The following PPP2R1A variants were observed in gnomAD, a reference collection of about 807,000 sequenced individuals.
PPP2R1A encodes the protein protein phosphatase 2 scaffold subunit Aalpha, also known as serine/threonine-protein phosphatase 2A 65 kDa regulatory subunit A alpha isoform.
Under a neutral mutation model 67.1 loss-of-function variants are expected in PPP2R1A, and 15 were observed. That is an observed-to-expected ratio of 0.22 (90% CI 0.15 to 0.34). PPP2R1A has a LOEUF of 0.34. Among genes scored for constraint, PPP2R1A ranks in the 10% least tolerant of loss-of-function variants. PPP2R1A has a pLI of 1.00. For synonymous variants in PPP2R1A, 337 were observed against 325.0 expected (o/e 1.04, Z -0.40); for missense variants, 369 against 775.0 (o/e 0.48, Z 6.22).
chr19:52,214,788 A>G (rs77506190), intron 6 of PPP2R1A, among the ~76,000 whole-genome samples: 2,902 of 149,888 alleles, frequency 0.019, 87 homozygotes, highest in African/African-American at 0.067. Flanking sequence ...GTACGGTGGC[A>G]CAAGCTCAGC....
intron 1 of PPP2R1A, 27 bp downstream of exon 1, chr19:52,190,201 A>G: frequency 6.5e-7 from 1 of 1,548,328 alleles, no homozygotes; most frequent in Non-Finnish European, 8.7e-7. Context: ...GGACTTGGGG[A>G]AGACGCGGAG....
rs567136532 is a variant in PPP2R1A at position 52,204,970 on chromosome 19, C to T, written c.170-993C>T. The stretch of plus-strand genomic sequence containing the variant: ...AACAGTAAAGCAAGATTTGAACCTA[C>T]CATAAAATGGAGATGATGATAATGA... On this transcript the variant is annotated intron_variant, in intron 2 of 14. Coordinates refer to ENST00000322088, the MANE Select transcript of PPP2R1A (RefSeq NM_014225.6). Among the ~76,000 whole-genome samples, 13 of 152,256 alleles carry T rather than the reference C, an allele frequency of 8.5e-5. 1 individual carries two copies. In the South Asian group the frequency reaches 2.7e-3, roughly 32 times the overall value.
At chr19:52,221,761 A>G (rs1978947959) in intron 12 of PPP2R1A, among the ~76,000 whole-genome samples, 1 of 152,182 alleles carries the variant, frequency 6.6e-6, no homozygotes, top group African/African-American at 2.4e-5. Context: ...ACACAGGGCT[A>G]GAAAGGAAGG....
intron 1 of PPP2R1A, among the ~76,000 whole-genome samples, chr19:52,193,714 C>T (rs745543301): frequency 3.9e-5 from 6 of 152,066 alleles, no homozygotes; most frequent in Admixed American, 6.6e-5. Context: ...GGATTAGAGG[C>T]GCCCACCACC....
At chr19:52,218,287 C>T (rs111644064) in intron 9 of PPP2R1A, among the ~76,000 whole-genome samples, 111 of 152,252 alleles carry the variant, frequency 7.3e-4, no homozygotes, top group Non-Finnish European at 1.1e-3. Context: ...GGAGGAAATA[C>T]TGTAACAGAA....
chr19:52,215,844 G>T lies in PPP2R1A; in HGVS notation c.873G>T (p.Met291Ile). The T allele has an allele frequency of 6.2e-7, 1 of 1,614,026 alleles. No homozygotes were observed. Among genetic ancestry groups the T allele is most frequent in the South Asian group, 1.1e-5 (1 of 91,076 alleles). ...TDLVPAFQNL[M>I]KDCEAEVRAA... ...TGGTCCCTGCCTTCCAGAACCTGAT[G>T]AAAGACTGTGAGGCCGAGGTGAGGG... The change falls in exon 7 of 15, where the codon ATG (methionine) becomes ATT (isoleucine). Residue 291 changes from methionine to isoleucine, a missense_variant. Transcript: ENST00000322088.
At chr19:52,193,575 CTT>C in intron 1 of PPP2R1A, among the ~76,000 whole-genome samples, 1 of 152,030 alleles carries the variant, frequency 6.6e-6, no homozygotes. Context: ...AATTGTAACA[CTT>C]TGGTTTTATT....
chr19:52,207,864 G>A (rs2089620546), intron 3 of PPP2R1A, among the ~76,000 whole-genome samples: 2 of 152,170 alleles, frequency 1.3e-5, no homozygotes, highest in South Asian at 4.1e-4. Context: ...TTTCAGAGCT[G>A]TAAACAAGGG....
Position 52,190,096 on chromosome 19 carries a change from G to A in PPP2R1A, c.-1G>A, listed in dbSNP as rs780026299. ...TCTGACAGGAAAGGGACGGAGCCAA[G>A]ATGGCGGCGGCCGACGGCGACGACT... On this transcript the variant is annotated 5_prime_UTR_variant, in exon 1 of 15. Coordinates refer to ENST00000322088, the MANE Select transcript of PPP2R1A (RefSeq NM_014225.6). The A allele has an allele frequency of 1.4e-5, 22 of 1,550,488 alleles. No individual in the cohort carries two copies. In the South Asian group the frequency reaches 1.8e-4, roughly 13 times the overall value.
At chr19:52,217,375 A>G (rs1978640057) in intron 9 of PPP2R1A, among the ~76,000 whole-genome samples, 1 of 152,168 alleles carries the variant, frequency 6.6e-6, no homozygotes, top group African/African-American at 2.4e-5. Flanking sequence ...ATTTTAAAAA[A>G]CATTTTCCAT....
intron 1 of PPP2R1A, among the ~76,000 whole-genome samples, chr19:52,197,639 C>G (rs1377964224): frequency 6.6e-6 from 1 of 152,184 alleles, no homozygotes; most frequent in African/African-American, 2.4e-5. Context: ...TGTGCCACTG[C>G]ACTCCAGCCT....
intron 2 of PPP2R1A, among the ~76,000 whole-genome samples, chr19:52,203,837 T>A (rs2089575926): frequency 6.6e-6 from 1 of 152,208 alleles, no homozygotes; most frequent in Admixed American, 6.5e-5. Flanking sequence ...CACGACCCCC[T>A]CTTTGGGTTT....
At chr19:52,196,369 T>C (rs2089496944) in intron 1 of PPP2R1A, among the ~76,000 whole-genome samples, 1 of 152,208 alleles carries the variant, frequency 6.6e-6, no homozygotes, top group Non-Finnish European at 1.5e-5. Context: ...CAGAATTGGG[T>C]CAGCTCAAAG....
intron 6 of PPP2R1A, among the ~76,000 whole-genome samples, chr19:52,214,542 A>G (rs1417313810): frequency 6.6e-6 from 1 of 152,200 alleles, no homozygotes; most frequent in East Asian, 1.9e-4. Flanking sequence ...AAATATTTGC[A>G]AGATGAATAA....
Position 52,219,899 on chromosome 19 carries a change from C to A in PPP2R1A, c.1302+35C>A, listed in dbSNP as rs763396765. 2.5e-6 allele frequency: 4 copies of A among 1,588,440 alleles called. No homozygotes were observed. The South Asian group carries it at 3.4e-5, about 14-fold the overall frequency. ...GAGGCCTGGGGGCCAGGCAGTGCTG[C>A]CTCAGGGGAGGTGCAGTATGTCCAG... On this transcript the variant is annotated intron_variant, in intron 10 of 14. Transcript: ENST00000322088. The surrounding 1 kb of genome is among the most constrained non-coding windows in gnomAD (Gnocchi z 4.0).
chr19:52,205,497 T>G (rs1482498302), intron 2 of PPP2R1A, among the ~76,000 whole-genome samples: 2 of 152,070 alleles, frequency 1.3e-5, no homozygotes, highest in Non-Finnish European at 2.9e-5. Context: ...CCTAGAAATC[T>G]TCCAAGAAGG....
rs796892245 is a variant in PPP2R1A, at chr19:52,192,622, G to T, written c.78+2448G>T. Among the ~76,000 whole-genome samples the T allele has an allele frequency of 9.4e-4, 142 of 151,800 alleles. 2 individuals are homozygous for T. The highest frequency in any genetic ancestry group is 3.3e-3 in the African/African-American group (138 of 41,404). ...AGCCACTATGCCCGGCCAGTTTTTT[G>T]TTTTTTTTAACTCCAGGATCACTTC... On this transcript the variant is annotated intron_variant, in intron 1 of 14. Coordinates refer to ENST00000322088, the MANE Select transcript of PPP2R1A (RefSeq NM_014225.6).
At chr19:52,207,624 A>C (rs917850471) in intron 3 of PPP2R1A, among the ~76,000 whole-genome samples, 1 of 152,196 alleles carries the variant, frequency 6.6e-6, no homozygotes, top group Non-Finnish European at 1.5e-5. Flanking sequence ...TGGAAACCAG[A>C]GAAGAGTTAG....
intron 1 of PPP2R1A, 27 bp from the exon 2 acceptor site, chr19:52,201,916 TC>T: frequency 6.2e-7 from 1 of 1,604,388 alleles, no homozygotes; most frequent in Non-Finnish European, 8.5e-7. Flanking sequence ...TCTAACATTC[TC>T]CCCTCCTCTT....
Sources: allele counts gnomAD v4.1 joint callset (sites outside exome capture counted in the v4.1 genomes callset), GRCh38; gene constraint gnomAD v4.1.1; non-coding constraint Gnocchi (gnomAD v3.1); transcripts MANE v1.5; gene names NCBI Gene and HGNC (gene_info 2026-07-23, HGNC 2026-07-21).